HYAL4: variants seen among roughly 807,000 people sequenced by gnomAD.
The protein encoded by HYAL4 is hyaluronidase 4.
A neutral mutation model predicts 35.2 loss-of-function variants in HYAL4; 37 were observed. The observed-to-expected ratio is 1.05, with a 90% CI of 0.81 to 1.38. The LOEUF (loss-of-function observed/expected upper bound fraction) is 1.38. Ranked by LOEUF, HYAL4 falls within the 40% of genes most tolerant of loss-of-function variation. The pLI is 0.00. For missense variants in HYAL4, 572 were observed against 572.4 expected (o/e 1.00, Z 0.01); for synonymous variants, 198 against 203.2 (o/e 0.97, Z 0.22).
chr7:123,820,343 G>A, the HYAL4 span, among the ~76,000 whole-genome samples: 1 of 152,054 alleles, frequency 6.6e-6, no homozygotes, highest in African/African-American at 2.4e-5. Flanking sequence ...CAGCACTTTG[G>A]GAGGCCGAGG....
intron 2 of HYAL4, among the ~76,000 whole-genome samples, chr7:123,850,530 G>A (rs1225307075): frequency 6.6e-6 from 1 of 152,072 alleles, no homozygotes; most frequent in Non-Finnish European, 1.5e-5. Context: ...TTGAGCCACC[G>A]TGCGACTCTA....
the HYAL4 span, among the ~76,000 whole-genome samples, chr7:123,801,504 A>G: frequency 6.6e-6 from 1 of 152,224 alleles, no homozygotes; most frequent in African/African-American, 2.4e-5. Context: ...TGAAAAAGTA[A>G]AAATTGACTT....
chr7:123,815,915 A>C, the HYAL4 span, among the ~76,000 whole-genome samples: 2 of 152,186 alleles, frequency 1.3e-5, no homozygotes, highest in Non-Finnish European at 2.9e-5. Context: ...AATATTTCAG[A>C]ATAAAATCCA....
the HYAL4 span, among the ~76,000 whole-genome samples, chr7:123,807,795 G>A: frequency 6.6e-6 from 1 of 151,590 alleles, no homozygotes; most frequent in Non-Finnish European, 1.5e-5. Context: ...GCAGTGGCAT[G>A]ATCATAGTTC....
the HYAL4 span, among the ~76,000 whole-genome samples, chr7:123,823,731 A>T: frequency 4.8e-5 from 1 of 20,832 alleles, no homozygotes; most frequent in African/African-American, 5.4e-4. Context: ...TATATATTTT[A>T]TATATATATA....
At chr7:123,826,045 G>A (rs1425641951), upstream of HYAL4, among the ~76,000 whole-genome samples, 1 of 151,700 alleles carries the variant, frequency 6.6e-6, no homozygotes. Flanking sequence ...CAAAGACAGA[G>A]TAGAAGATAA....
chr7:123,791,739 C>T, the HYAL4 span, among the ~76,000 whole-genome samples: 3 of 152,168 alleles, frequency 2.0e-5, no homozygotes, highest in Non-Finnish European at 4.4e-5. Context: ...GCACTGGAGA[C>T]GGCCTCCTTG....
chr7:123,846,257 A>C (rs1412962172), intron 1 of HYAL4, among the ~76,000 whole-genome samples: 1 of 151,448 alleles, frequency 6.6e-6, no homozygotes, highest in Non-Finnish European at 1.5e-5. Flanking sequence ...GTAGGGAAGG[A>C]CCATCAGGGG....
intron 2 of HYAL4, 73 bp downstream of exon 2, chr7:123,848,231 A>G (rs1399157443): frequency 1.3e-5 from 2 of 152,620 alleles, no homozygotes; most frequent in Non-Finnish European, 2.9e-5. Flanking sequence ...AGTTAGAAAA[A>G]AGCCAATATT....
chr7:123,872,480 G>A (rs148522637), intron 3 of HYAL4, among the ~76,000 whole-genome samples: 40 of 152,300 alleles, frequency 2.6e-4, no homozygotes, highest in African/African-American at 8.9e-4. Flanking sequence ...ACTTTGATAA[G>A]CGTCAGGGAC....
At chr7:123,774,508 C>G in the HYAL4 span, among the ~76,000 whole-genome samples, 49 of 152,042 alleles carry the variant, frequency 3.2e-4, no homozygotes, top group African/African-American at 1.0e-3. Flanking sequence ...GACCAGATAT[C>G]TACTATAATT....
chr7:123,784,220 A>ATC, the HYAL4 span, among the ~76,000 whole-genome samples: 1 of 152,256 alleles, frequency 6.6e-6, no homozygotes, highest in Non-Finnish European at 1.5e-5. Context: ...AAGGTGTTAG[A>ATC]TAAGTGAGTT....
chr7:123,822,489 T>A, the HYAL4 span, among the ~76,000 whole-genome samples: 1 of 152,214 alleles, frequency 6.6e-6, no homozygotes, highest in African/African-American at 2.4e-5. Context: ...TATGTTGATT[T>A]TGTATCCTGC....
chr7:123,782,870 A>G, the HYAL4 span, among the ~76,000 whole-genome samples: 1 of 152,124 alleles, frequency 6.6e-6, no homozygotes, highest in African/African-American at 2.4e-5. Context: ...CCTGTGACAC[A>G]TATAACATCC....
chr7:123,835,567 C>G (rs1261780645), intron 1 of HYAL4, among the ~76,000 whole-genome samples: 1 of 151,750 alleles, frequency 6.6e-6, no homozygotes, highest in South Asian at 2.1e-4. Flanking sequence ...TTTTTTGTTT[C>G]AATTTTATTT....
intron 2 of HYAL4, among the ~76,000 whole-genome samples, chr7:123,866,321 C>T (rs1197526606): frequency 6.6e-6 from 1 of 152,240 alleles, no homozygotes; most frequent in African/African-American, 2.4e-5. Context: ...TACGTCACCA[C>T]TGGCAATGTC....
chr7:123,854,307 G>T (rs1227454676), intron 2 of HYAL4, among the ~76,000 whole-genome samples: 1 of 152,062 alleles, frequency 6.6e-6, no homozygotes, highest in Non-Finnish European at 1.5e-5. Context: ...TCTTTTAATT[G>T]TGATGTTAGG....
At chr7:123,842,499 G>C (rs546472042), upstream of HYAL4, among the ~76,000 whole-genome samples, 2 of 152,168 alleles carry the variant, frequency 1.3e-5, no homozygotes, top group East Asian at 3.9e-4. Context: ...GAGTTCTGTA[G>C]ATGTCTATTA....
chr7:123,876,633 C>T (rs527526380), intron 4 of HYAL4, 121 bp from the exon 5 acceptor site: 52 of 1,062,582 alleles, frequency 4.9e-5, no homozygotes, highest in Non-Finnish European at 7.1e-5. Context: ...TTAATCAAGA[C>T]CAAAGAACTG....
Sources: allele counts gnomAD v4.1 joint callset (sites outside exome capture counted in the v4.1 genomes callset), GRCh38; gene constraint gnomAD v4.1.1; transcripts MANE v1.5; gene names NCBI Gene and HGNC (gene_info 2026-07-23, HGNC 2026-07-21).